Variants in KLRG1 observed in about 807,000 individuals in gnomAD.
KLRG1 encodes killer cell lectin like receptor G1, also known as killer cell lectin-like receptor subfamily G member 1.
A neutral mutation model predicts 21.8 loss-of-function variants in KLRG1; 16 were observed. The ratio of observed to expected loss-of-function variants is 0.73; its 90% CI spans 0.50 to 1.11. The LOEUF (loss-of-function observed/expected upper bound fraction) is 1.11, where lower values mean the gene tolerates loss of function less well. Ranked by LOEUF, KLRG1 falls within the 50% of genes most tolerant of loss-of-function variation. The pLI, the probability that KLRG1 is intolerant of heterozygous loss-of-function variation, is 0.00. For missense variants in KLRG1, 173 were observed against 218.3 expected (o/e 0.79, Z 1.31); for synonymous variants, 69 against 75.9 (o/e 0.91, Z 0.47).
chr12:9,047,028 A>G, the KLRG1 span, among the ~76,000 whole-genome samples: 2 of 151,912 alleles, frequency 1.3e-5, no homozygotes, highest in African/African-American at 4.8e-5. Flanking sequence ...CTAAATTTAA[A>G]ATTCTTTATA....
intron 3 of KLRG1, among the ~76,000 whole-genome samples, chr12:9,003,793 G>A (rs888064091): frequency 5.3e-5 from 8 of 151,828 alleles, no homozygotes; most frequent in Non-Finnish European, 7.4e-5. Context: ...ATGCTGGCGT[G>A]CTGCACCCAT....
At chr12:9,194,754 G>A in the KLRG1 span, among the ~76,000 whole-genome samples, 3 of 152,068 alleles carry the variant, frequency 2.0e-5, no homozygotes, top group East Asian at 3.9e-4. Flanking sequence ...GTGAGCCACC[G>A]TGCCCGGCCA....
At chr12:9,027,417 TAGCAGCTAGGCCTTGCC>T in the KLRG1 span, 2 of 572,424 alleles carry the variant, frequency 3.5e-6, no homozygotes, top group Non-Finnish European at 6.5e-6. Context: ...GTCTTCTTTG[TAGCAGCTAGGCCTTGCC>T]ACCACTGTGC....
At chr12:9,026,049 A>G in the KLRG1 span, among the ~76,000 whole-genome samples, 1,454 of 152,328 alleles carry the variant, frequency 9.5e-3, 22 homozygotes, top group African/African-American at 0.032. Context: ...AGTGATTTCA[A>G]TCTGTACTAT....
the KLRG1 span, among the ~76,000 whole-genome samples, chr12:9,212,567 A>G: frequency 6.6e-6 from 1 of 152,212 alleles, no homozygotes; most frequent in African/African-American, 2.4e-5. Context: ...ATAACTGTCT[A>G]TGCAAGATAA....
At chr12:9,160,367 GT>G in the KLRG1 span, 86 of 1,614,062 alleles carry the variant, frequency 5.3e-5, no homozygotes, top group Non-Finnish European at 6.2e-5. Context: ...CAGCTGCTGG[GT>G]TTCATTCAGA....
chr12:9,177,910 CAG>C, the KLRG1 span, among the ~76,000 whole-genome samples: 1 of 152,162 alleles, frequency 6.6e-6, no homozygotes, highest in Non-Finnish European at 1.5e-5. Flanking sequence ...CTTCCATAAA[CAG>C]AGAGTGTAAA....
At chr12:9,071,566 G>T in the KLRG1 span, among the ~76,000 whole-genome samples, 3 of 152,044 alleles carry the variant, frequency 2.0e-5, no homozygotes, top group African/African-American at 7.2e-5. Flanking sequence ...CTGAATTGTT[G>T]TTTTTTTCTG....
rs986356003 is a variant in KLRG1 at position 9,010,228 on chromosome 12, GA to G, written c.*694del. On this transcript the variant is annotated 3_prime_UTR_variant, in exon 5 of 5. Transcript: ENST00000356986. ...GCTAATGTGAGAATATAAATTGTGG[GA>G]AATGAGTGAGGGCAAGGTGGTACTT... The G allele has an allele frequency of 7.8e-6, 4 of 516,018 alleles. No homozygotes were observed. The highest frequency in any genetic ancestry group is 7.7e-5 in the African/African-American group (4 of 51,654). The allele number at this position is 516,018 out of a possible 1,614,324, so 32.0% of individuals were successfully genotyped here.
At chr12:9,097,086 A>G in the KLRG1 span, among the ~76,000 whole-genome samples, 76 of 152,168 alleles carry the variant, frequency 5.0e-4, no homozygotes, top group African/African-American at 1.8e-3. Context: ...TGCCTTATCT[A>G]CCCATCAGGG....
the KLRG1 span, among the ~76,000 whole-genome samples, chr12:9,204,755 G>T: frequency 1.2e-4 from 18 of 152,022 alleles, no homozygotes; most frequent in Non-Finnish European, 4.4e-5. Context: ...AAACATGTTT[G>T]TTTCGAATCA....
At chr12:9,149,448 C>A in the KLRG1 span, 2 of 1,050,114 alleles carry the variant, frequency 1.9e-6, no homozygotes, top group Admixed American at 4.7e-5. Flanking sequence ...TGAGGACATG[C>A]CATGTGGATT....
the KLRG1 span, among the ~76,000 whole-genome samples, chr12:9,021,710 T>TA: frequency 6.6e-6 from 1 of 152,128 alleles, no homozygotes; most frequent in Non-Finnish European, 1.5e-5. Flanking sequence ...AACTTTTTTT[T>TA]AAAAAACAAG....
At chr12:9,157,845 T>C in the KLRG1 span, 1 of 1,611,612 alleles carries the variant, frequency 6.2e-7, no homozygotes, top group Non-Finnish European at 8.5e-7. Flanking sequence ...CACCTCCCTG[T>C]GAATACAACA....
intron 3 of KLRG1, among the ~76,000 whole-genome samples, chr12:9,000,082 TA>T (rs1423501462): frequency 6.6e-6 from 1 of 152,128 alleles, no homozygotes; most frequent in Middle Eastern, 3.4e-3. Context: ...GAGCCAAAAA[TA>T]ACTTTTACTT....
At chr12:8,975,891 T>C (rs1224254064) in intron 1 of KLRG1, among the ~76,000 whole-genome samples, 1 of 152,152 alleles carries the variant, frequency 6.6e-6, no homozygotes, top group Admixed American at 6.5e-5. Flanking sequence ...TAAGTGTTTG[T>C]TGATTTTTAT....
chr12:9,043,492 G>A, the KLRG1 span, among the ~76,000 whole-genome samples: 1 of 152,216 alleles, frequency 6.6e-6, no homozygotes, highest in African/African-American at 2.4e-5. Flanking sequence ...TCTGATTTAG[G>A]TGATGAAATC....
the KLRG1 span, chr12:9,192,773 T>C: frequency 7.0e-7 from 1 of 1,432,206 alleles, no homozygotes. Flanking sequence ...AAGAATACTG[T>C]CTTGAAATTC....
At chr12:9,069,338 T>C in the KLRG1 span, among the ~76,000 whole-genome samples, 12 of 152,230 alleles carry the variant, frequency 7.9e-5, no homozygotes, top group Non-Finnish European at 1.6e-4. Context: ...ACTGGTCTTA[T>C]TATTTTATGG....
Sources: allele counts gnomAD v4.1 joint callset (sites outside exome capture counted in the v4.1 genomes callset), GRCh38; gene constraint gnomAD v4.1.1; transcripts MANE v1.5; gene names NCBI Gene and HGNC (gene_info 2026-07-23, HGNC 2026-07-21).